Variants in TG observed in about 807,000 individuals in gnomAD.
The protein encoded by TG is thyroid hormones.
In TG, 270 loss-of-function variants were observed where a neutral mutation model predicts 324.7. The observed-to-expected ratio is 0.83, with a 90% CI of 0.75 to 0.92. The LOEUF (loss-of-function observed/expected upper bound fraction) is 0.92. Ranked by LOEUF, TG falls within the 40% of genes least tolerant of loss-of-function variation. The pLI is 0.00. For synonymous variants in TG, 1,401 were observed against 1,327.0 expected (o/e 1.06, Z -1.21); for missense variants, 3,591 against 3,456.4 (o/e 1.04, Z -0.98).
intron 14 of TG, among the ~76,000 whole-genome samples, chr8:132,899,795 C>T (rs1425568634): frequency 2.0e-5 from 3 of 152,122 alleles, no homozygotes; most frequent in Non-Finnish European, 2.9e-5. Flanking sequence ...AGCTTAGAGG[C>T]GCTCTGAGGT....
At chr8:132,981,631 C>T (rs1050088053) in intron 34 of TG, among the ~76,000 whole-genome samples, 3 of 152,184 alleles carry the variant, frequency 2.0e-5, no homozygotes, top group Non-Finnish European at 2.9e-5. Context: ...AGCCTTGGCT[C>T]AGCGTGGATC....
intron 35 of TG, among the ~76,000 whole-genome samples, chr8:133,009,785 G>T (rs755112381): frequency 6.6e-6 from 1 of 151,638 alleles, no homozygotes; most frequent in Non-Finnish European, 1.5e-5. Context: ...CAAGCAGAAA[G>T]AGGGCACCAC....
Position 132,893,608 on chromosome 8 carries a change from G to A in TG, c.2762-82G>A, listed in dbSNP as rs576726039. ...GTGTGTGTGGTGTGTATGTGTGTGC[G>A]TGAGGGCACACATGCTTCATGGGAG... On this transcript the variant is annotated intron_variant, in intron 10 of 47. Transcript: ENST00000220616. 1.4e-5 allele frequency: 22 copies of A among 1,577,182 alleles called. No individual in the cohort carries two copies. The East Asian group carries it at 1.6e-4, about 11-fold the overall frequency.
chr8:133,061,763 G>A (rs1429198738), intron 41 of TG, among the ~76,000 whole-genome samples: 1 of 152,126 alleles, frequency 6.6e-6, no homozygotes, highest in Non-Finnish European at 1.5e-5. Context: ...CTCCCACCCT[G>A]GCCTTGAGTC....
intron 5 of TG, among the ~76,000 whole-genome samples, chr8:132,877,207 T>A (rs1445142954): frequency 6.6e-6 from 1 of 152,180 alleles, no homozygotes; most frequent in Non-Finnish European, 1.5e-5. Flanking sequence ...TGATGGGATC[T>A]CAGCTCACTG....
intron 43 of TG, chr8:133,106,326 G>A (rs1849804314): frequency 3.5e-6 from 3 of 862,366 alleles, no homozygotes; most frequent in Non-Finnish European, 4.2e-6. Context: ...GGGCCAGTCG[G>A]CTCCTTACTG....
Position 132,873,206 on chromosome 8 carries a change from T to C in TG, c.623T>C (p.Val208Ala). 2 of 1,614,120 alleles carry C rather than the reference T, an allele frequency of 1.2e-6. No individual in the cohort carries two copies. Among genetic ancestry groups the C allele is most frequent in the African/African-American group, 1.3e-5 (1 of 75,036 alleles). ...ACAGACATGATGATTTTTGATCTGG[T>C]CCACAGCTACAACAGGTAAGGGGAG... ...NTTDMMIFDLVHSYNRFPDAF... is the reference protein window; with the variant it reads ...NTTDMMIFDLAHSYNRFPDAF... Residue 208 changes from valine (V) to alanine (A), a missense_variant, in exon 5 of 48, where the codon GTC becomes GCC. Val to Ala is a moderately conservative substitution (Grantham distance 64). Transcript: ENST00000220616.
intron 45 of TG, among the ~76,000 whole-genome samples, chr8:133,118,438 C>T (rs573889509): frequency 2.2e-3 from 335 of 151,892 alleles, no homozygotes; most frequent in Non-Finnish European, 3.7e-3. Flanking sequence ...AATTCTCCCG[C>T]CTCAGCCTCC....
At chr8:132,950,743 A>C (rs547481942) in intron 27 of TG, among the ~76,000 whole-genome samples, 54 of 152,236 alleles carry the variant, frequency 3.5e-4, no homozygotes, top group Non-Finnish European at 7.1e-4. Context: ...TTGCCTGTCT[A>C]TATAATGACA....
chr8:132,986,077 A>G (rs1319326735), intron 35 of TG, among the ~76,000 whole-genome samples: 1 of 152,160 alleles, frequency 6.6e-6, no homozygotes. Context: ...TTTAAACTTC[A>G]TATGAACCTC....
At chr8:132,987,470 T>G (rs1831715153) in intron 35 of TG, among the ~76,000 whole-genome samples, 2 of 152,192 alleles carry the variant, frequency 1.3e-5, no homozygotes, top group Admixed American at 6.5e-5. Context: ...TTCTTAAATA[T>G]CAAATATTTA....
chr8:133,025,756 G>GA (rs1480309386), intron 40 of TG, among the ~76,000 whole-genome samples: 5 of 152,160 alleles, frequency 3.3e-5, no homozygotes, highest in Non-Finnish European at 7.3e-5. Context: ...TTAAGTCATT[G>GA]AAAATTGCAG....
intron 27 of TG, among the ~76,000 whole-genome samples, chr8:132,949,177 C>A (rs1001527434): frequency 1.3e-5 from 2 of 152,206 alleles, no homozygotes; most frequent in African/African-American, 4.8e-5. Flanking sequence ...CAGGATGGCC[C>A]AGCAGGGCAA....
intron 26 of TG, among the ~76,000 whole-genome samples, chr8:132,948,570 C>G (rs1825676407): frequency 6.6e-6 from 1 of 152,140 alleles, no homozygotes; most frequent in African/African-American, 2.4e-5. Flanking sequence ...GTGGCCCTCC[C>G]CTTGGAAATT....
At chr8:132,875,429 AAC>A (rs1238661544) in intron 5 of TG, among the ~76,000 whole-genome samples, 1 of 152,226 alleles carries the variant, frequency 6.6e-6, no homozygotes, top group Non-Finnish European at 1.5e-5. Flanking sequence ...TGATTACTGA[AAC>A]ACAGAGGTTA....
intron 20 of TG, 99 bp from the exon 21 acceptor site, chr8:132,919,277 T>C: frequency 1.6e-6 from 2 of 1,290,284 alleles, no homozygotes; most frequent in Non-Finnish European, 2.2e-6. Context: ...AATGAGCTCT[T>C]GAACTGGTTT....
chr8:132,871,463 G>T lies in TG; in HGVS notation c.390G>T (p.Gln130His). 6.2e-7 allele frequency: 1 copy of T among 1,614,230 alleles called. No individual in the cohort carries two copies. The highest frequency in any genetic ancestry group is 8.5e-7 in the Non-Finnish European group (1 of 1,180,048). ...CQDSGDYAPV[Q>H]CDVQQVQCWC... is the part of the protein sequence containing the mutation. Reference sequence around the variant, plus strand: ...ATTCAGGGGACTACGCGCCTGTTCAGTGTGATGTGCAGCAGGTCCAGTGCT... The same window carrying T: ...ATTCAGGGGACTACGCGCCTGTTCATTGTGATGTGCAGCAGGTCCAGTGCT... The change falls in exon 4 of 48, where the codon CAG becomes CAT. Residue 130 changes from glutamine (Q) to histidine (H), a missense_variant. Gln to His is a conservative substitution (Grantham distance 24, BLOSUM62 0). Coordinates refer to ENST00000220616, the MANE Select transcript of TG (RefSeq NM_003235.5).
intron 41 of TG, among the ~76,000 whole-genome samples, chr8:133,089,149 C>A (rs1181171092): frequency 6.6e-6 from 1 of 152,178 alleles, no homozygotes; most frequent in Non-Finnish European, 1.5e-5. Context: ...CCTTACAAGT[C>A]ACCGATGGGC....
chr8:132,986,368 T>TG (rs372904159), intron 35 of TG, among the ~76,000 whole-genome samples: 3 of 99,936 alleles, frequency 3.0e-5, no homozygotes, highest in Non-Finnish European at 7.4e-5. Context: ...TGTGTATATA[T>TG]AGTATATATA....
Sources: allele counts gnomAD v4.1 joint callset (sites outside exome capture counted in the v4.1 genomes callset), GRCh38; gene constraint gnomAD v4.1.1; transcripts MANE v1.5; gene names NCBI Gene and HGNC (gene_info 2026-07-23, HGNC 2026-07-21).